The following PPP1R3A variants were observed in gnomAD, a reference collection of about 807,000 sequenced individuals.
The protein encoded by PPP1R3A is RG1.
Under a neutral mutation model 41.7 loss-of-function variants are expected in PPP1R3A, and 29 were observed. The observed-to-expected ratio is 0.70, with a 90% CI of 0.52 to 0.95. PPP1R3A has a LOEUF of 0.95. PPP1R3A is among the 40% of genes least tolerant of loss of function. PPP1R3A has a pLI of 0.00. For synonymous variants in PPP1R3A, 485 were observed against 453.4 expected (o/e 1.07, Z -0.89); for missense variants, 1,352 against 1,292.4 (o/e 1.05, Z -0.71).
In PPP1R3A at chr7:113,918,942, G is replaced by T. The variant is rs1395274488; in HGVS notation, c.55C>A (p.Pro19Thr). ...QISKDNFLEV[P>T]NLSDSLCEDE... ...TCACAAAGAGAGTCAGATAAATTAG[G>T]AACTTCTAAAAAATTATCTTTGCTA... is the stretch of plus-strand genomic sequence containing the variant. Residue 19 changes from proline to threonine, a missense_variant, in exon 1 of 4, where the codon CCT becomes ACT. By Grantham distance (38) the Pro-to-Thr change is conservative. Coordinates refer to ENST00000284601, the MANE Select transcript of PPP1R3A (RefSeq NM_002711.4). 1 of 1,612,598 alleles carries T rather than the reference G, an allele frequency of 6.2e-7. No homozygotes were observed. Among genetic ancestry groups the T allele is most frequent in the Non-Finnish European group, 8.5e-7 (1 of 1,179,284 alleles).
intron 1 of PPP1R3A, among the ~76,000 whole-genome samples, chr7:113,909,792 GAA>G (rs1797212400): frequency 6.6e-6 from 1 of 152,020 alleles, no homozygotes; most frequent in South Asian, 2.1e-4. Flanking sequence ...TAATTCAACT[GAA>G]AGAGTAAATA....
rs369113193 is a variant in PPP1R3A at position 113,882,313 on chromosome 7, C to T, written c.790G>A (p.Glu264Lys). The change falls in exon 2 of 4, where the codon GAA becomes AAA. Residue 264 changes from glutamate (E) to lysine (K), a missense_variant. By Grantham distance (56) the Glu-to-Lys change is moderately conservative. Coordinates refer to ENST00000284601, the MANE Select transcript of PPP1R3A (RefSeq NM_002711.4). ...TTTTCTTCTGATGTTACTGATGATT[C>T]TTCTTTACTGTTAAATTTAAAAGAA... is the stretch of plus-strand genomic sequence containing the variant. ...GCLKVKSSKE[E>K]SSVTSEENNF... The T allele has an allele frequency of 3.1e-5, 45 of 1,450,166 alleles. No individual in the cohort carries two copies. In the African/African-American group the frequency reaches 5.2e-4, roughly 17 times the overall value. The allele number at this position is 1,450,166 out of a possible 1,614,324, so 89.8% of individuals were successfully genotyped here. A position where few individuals can be genotyped will look rare whatever the true frequency, so the allele number is the denominator to read the frequency against.
At chr7:113,908,982 ACG>A in intron 1 of PPP1R3A, among the ~76,000 whole-genome samples, 1 of 151,978 alleles carries the variant, frequency 6.6e-6, no homozygotes, top group East Asian at 1.9e-4. Flanking sequence ...GACACAGGGG[ACG>A]ATAGAATTAT....
chr7:113,899,258 ATC>A (rs1397022310), intron 1 of PPP1R3A, among the ~76,000 whole-genome samples: 1 of 151,720 alleles, frequency 6.6e-6, no homozygotes, highest in Non-Finnish European at 1.5e-5. Flanking sequence ...ATTGATTAAA[ATC>A]TGTGCTCACC....
chr7:113,901,012 T>G (rs1386353584), intron 1 of PPP1R3A, among the ~76,000 whole-genome samples: 1 of 151,514 alleles, frequency 6.6e-6, no homozygotes, highest in Non-Finnish European at 1.5e-5. Context: ...CTACTTTCAC[T>G]CAGAATTAGC....
At position 113,888,889 on chromosome 7, in the gene PPP1R3A, C is replaced by T. The variant is rs1796832720; in HGVS notation, c.783-6569G>A. On this transcript the variant is annotated intron_variant, in intron 1 of 3. Coordinates refer to ENST00000284601, the MANE Select transcript of PPP1R3A (RefSeq NM_002711.4). ...TTTCTAAGGAACTAGAAATCAAGTTCACAAAGGAACTTTAAACATCTCAGC... is the reference window on the plus strand; with the variant it reads ...TTTCTAAGGAACTAGAAATCAAGTTTACAAAGGAACTTTAAACATCTCAGC... Among the ~76,000 whole-genome samples, 5 of 152,176 alleles carry T rather than the reference C, an allele frequency of 3.3e-5. No individual in the cohort carries two copies. The South Asian group carries it at 1.0e-3, about 31-fold the overall frequency.
In PPP1R3A at chr7:113,878,004, C is replaced by G; in HGVS notation, c.3088G>C (p.Gly1030Arg). The G allele has an allele frequency of 6.2e-7, 1 of 1,613,284 alleles. No individual in the cohort carries two copies. Among genetic ancestry groups the G allele is most frequent in the Non-Finnish European group, 8.5e-7 (1 of 1,179,586 alleles). The change falls in exon 4 of 4, where the codon GGA becomes CGA. Residue 1030 changes from glycine (G) to arginine (R), a missense_variant. Gly to Arg is a moderately radical substitution (Grantham distance 125). Coordinates refer to ENST00000284601, the MANE Select transcript of PPP1R3A (RefSeq NM_002711.4). ...NMEEARHENE[G>R]LVSSGQSLYT... The stretch of plus-strand genomic sequence containing the variant: ...AGTGATTGCCCAGAGCTTACTAATC[C>G]TTCATTTTCATGCCTTGCTTCTTCC...
intron 1 of PPP1R3A, among the ~76,000 whole-genome samples, chr7:113,892,352 T>G (rs1318831693): frequency 2.6e-5 from 4 of 152,052 alleles, no homozygotes; most frequent in African/African-American, 9.7e-5. Context: ...GGGTAAATAA[T>G]TATATAGTGT....
At chr7:113,887,936 C>A (rs916975221) in intron 1 of PPP1R3A, among the ~76,000 whole-genome samples, 1 of 151,750 alleles carries the variant, frequency 6.6e-6, no homozygotes, top group Non-Finnish European at 1.5e-5. Context: ...GAGGCTGAGG[C>A]AGAATAGCTT....
At chr7:113,889,235 C>G (rs1390419254) in intron 1 of PPP1R3A, among the ~76,000 whole-genome samples, 1 of 152,138 alleles carries the variant, frequency 6.6e-6, no homozygotes, top group Admixed American at 6.6e-5. Flanking sequence ...CCTTTAGTTG[C>G]AATTCCTGGC....
rs765187128 is a variant in PPP1R3A, at chr7:113,878,079, CCA to C, written c.3011_3012del (p.Val1004GlyfsTer15). ...GQIFQTEEYS[V>X]EKSLGPMILI... ...AAAATCATTGGCCCTAGAGATTTTT[CCA>C]CACTATACTCTTCTGTTTGGAAAAT... On this transcript the variant is annotated frameshift_variant, in exon 4 of 4. Transcript: ENST00000284601. LOFTEE classifies it high-confidence loss of function. 22 of 1,613,176 alleles carry C rather than the reference CCA, an allele frequency of 1.4e-5. No homozygotes were observed. In the East Asian group the frequency reaches 4.9e-4, roughly 36 times the overall value.
chr7:113,892,956 G>A (rs1392472298), intron 1 of PPP1R3A, among the ~76,000 whole-genome samples: 2 of 151,972 alleles, frequency 1.3e-5, no homozygotes, highest in African/African-American at 2.4e-5. Flanking sequence ...TATGTGTAAA[G>A]TGAAAGCTCT....
chr7:113,894,497 G>T (rs1313479585), intron 1 of PPP1R3A, among the ~76,000 whole-genome samples: 1 of 151,878 alleles, frequency 6.6e-6, no homozygotes, highest in Non-Finnish European at 1.5e-5. Context: ...TGATTGTCCA[G>T]CTGAGAGTCT....
chr7:113,904,652 G>A (rs1333427159), intron 1 of PPP1R3A, among the ~76,000 whole-genome samples: 1 of 151,266 alleles, frequency 6.6e-6, no homozygotes, highest in Non-Finnish European at 1.5e-5. Context: ...ATCATAAGTG[G>A]TCAAAGAATT....
At position 113,877,591 on chromosome 7, in the gene PPP1R3A, C is replaced by T. The variant is rs761409577; in HGVS notation, c.*132G>A. Reference sequence around the variant, plus strand: ...ACTTATATGAAGGAGCAAACTTATTCGCGTCCCTTTTTAAATGATCCTTCA... The same window carrying T: ...ACTTATATGAAGGAGCAAACTTATTTGCGTCCCTTTTTAAATGATCCTTCA... On this transcript the variant is annotated 3_prime_UTR_variant, in exon 4 of 4. Transcript: ENST00000284601. 1.7e-5 allele frequency: 18 copies of T among 1,053,842 alleles called. No individual in the cohort carries two copies. Among genetic ancestry groups the T allele is most frequent in the African/African-American group, 3.2e-5 (2 of 62,408 alleles). 65.3% of individuals were successfully genotyped at this position (1,053,842 alleles called of 1,614,324 possible). A position where few individuals can be genotyped will look rare whatever the true frequency, so the allele number is the denominator to read the frequency against.
At chr7:113,905,621 G>C (rs1439993943) in intron 1 of PPP1R3A, among the ~76,000 whole-genome samples, 2 of 151,732 alleles carry the variant, frequency 1.3e-5, no homozygotes, top group Admixed American at 6.6e-5. Context: ...AATTTTTGTA[G>C]GTCTTGAGTT....
chr7:113,901,446 T>C (rs73435662), intron 1 of PPP1R3A, among the ~76,000 whole-genome samples: 4,469 of 151,842 alleles, frequency 0.029, 221 homozygotes, highest in African/African-American at 0.1. Context: ...ATTTAAAACA[T>C]GGTGACAGTG....
intron 1 of PPP1R3A, among the ~76,000 whole-genome samples, chr7:113,883,086 A>G (rs1292902078): frequency 6.6e-6 from 1 of 152,032 alleles, no homozygotes; most frequent in South Asian, 2.1e-4. Context: ...ATCTATTTGT[A>G]GTTGTATTTG....
chr7:113,882,000 A>T, intron 3 of PPP1R3A, 39 bp downstream of exon 3: 1 of 1,599,136 alleles, frequency 6.3e-7, no homozygotes, highest in Non-Finnish European at 8.6e-7. Context: ...GCAGAAATGG[A>T]TTCATCTTCT....
Sources: gnomAD v4.1 joint callset for allele counts (sites outside exome capture counted in the v4.1 genomes callset) on GRCh38, gnomAD v4.1.1 for gene constraint, MANE v1.5 for transcripts, NCBI Gene and HGNC (gene_info 2026-07-23, HGNC 2026-07-21) for gene names.